Variants in DPP6 observed in about 807,000 individuals in gnomAD.
DPP6 encodes the protein A-type potassium channel modulatory protein DPP6.
In DPP6, 69 loss-of-function variants were observed where a neutral mutation model predicts 122.6. The ratio of observed to expected loss-of-function variants is 0.56; its 90% CI spans 0.46 to 0.69. The LOEUF is 0.69. Among genes scored for constraint, DPP6 ranks in the 30% least tolerant of loss-of-function variants. The probability of loss-of-function intolerance (pLI) is 0.00; values close to 1 mark genes in which losing one functional copy is unlikely to be tolerated. For synonymous variants in DPP6, 418 were observed against 433.1 expected, an observed-to-expected ratio of 0.97 and a Z score of 0.43; for missense variants, 928 against 1,116.9, an observed-to-expected ratio of 0.83 and a Z score of 2.41.
chr7:154,797,756 G>A (rs567155506), intron 12 of DPP6, among the ~76,000 whole-genome samples: 1 of 152,268 alleles, frequency 6.6e-6, no homozygotes, highest in African/African-American at 2.4e-5. Context: ...CCACTCAATT[G>A]TTCACTTTTA....
chr7:153,831,688 T>G, the DPP6 span, among the ~76,000 whole-genome samples: 2 of 152,206 alleles, frequency 1.3e-5, no homozygotes, highest in Non-Finnish European at 2.9e-5. Context: ...AAAATAATGT[T>G]TTTTTAATTT....
At chr7:154,050,270 G>A (rs1326601930), upstream of DPP6, among the ~76,000 whole-genome samples, 2 of 152,004 alleles carry the variant, frequency 1.3e-5, no homozygotes, top group Admixed American at 6.5e-5. Context: ...TTAGATTACA[G>A]TTACCTACAA....
chr7:154,351,447 A>AT (rs2151080146), intron 1 of DPP6, among the ~76,000 whole-genome samples: 1 of 152,104 alleles, frequency 6.6e-6, no homozygotes, highest in South Asian at 2.1e-4. Flanking sequence ...CTGAGTGTAA[A>AT]TTTTCATTAA....
chr7:154,687,589 A>AT, intron 7 of DPP6, among the ~76,000 whole-genome samples: 1 of 152,278 alleles, frequency 6.6e-6, no homozygotes, highest in East Asian at 1.9e-4. Context: ...TTATACATTT[A>AT]AGATTCAATT....
rs576206110 is a variant in DPP6 at position 154,618,565 on chromosome 7, CAT to C, written c.628-19253_628-19252del. On this transcript the variant is annotated intron_variant, in intron 5 of 25. Coordinates refer to ENST00000377770, the MANE Select transcript of DPP6 (RefSeq NM_130797.4). This position sits in a 1 kb window ranked among gnomAD's most constrained non-coding sequence, Gnocchi z 4.1. ...TTTTAATATAGCCCTGCATTTTCCT[CAT>C]ATGAAAGCAGAAACCCACAGAGTTT... 1.1e-3 allele frequency among the ~76,000 whole-genome samples: 169 copies of C among 152,266 alleles called. 1 individual carries two copies. The highest frequency in any genetic ancestry group is 6.8e-3 in the Middle Eastern group (2 of 294).
chr7:154,503,353 T>G (rs6969637), intron 3 of DPP6, among the ~76,000 whole-genome samples: 80,695 of 151,916 alleles, frequency 0.53, 21,678 homozygotes, highest in Middle Eastern at 0.6. Flanking sequence ...AATAGACAGG[T>G]ACTCCAGTCC....
intron 1 of DPP6, among the ~76,000 whole-genome samples, chr7:154,033,735 C>T (rs1799376582): frequency 6.6e-6 from 1 of 152,210 alleles, no homozygotes; most frequent in South Asian, 2.1e-4. Flanking sequence ...GAGGACCCTT[C>T]ACAATCACAG....
At chr7:154,558,180 T>C (rs920467781) in intron 4 of DPP6, among the ~76,000 whole-genome samples, 1 of 152,198 alleles carries the variant, frequency 6.6e-6, no homozygotes, top group East Asian at 1.9e-4. Flanking sequence ...CTCCCACTTA[T>C]GAGTAAGAAC....
intron 1 of DPP6, among the ~76,000 whole-genome samples, chr7:153,952,324 A>T (rs1176381322): frequency 6.6e-6 from 1 of 152,250 alleles, no homozygotes; most frequent in Non-Finnish European, 1.5e-5. Context: ...AGACATTTTC[A>T]TTCCCATTTC....
the DPP6 span, among the ~76,000 whole-genome samples, chr7:153,769,276 A>G: frequency 6.6e-6 from 1 of 152,104 alleles, no homozygotes; most frequent in Admixed American, 6.5e-5. Context: ...TATATTGTGT[A>G]TATTTAAGGT....
chr7:154,816,217 A>T (rs1417624616), intron 16 of DPP6, among the ~76,000 whole-genome samples: 1 of 152,186 alleles, frequency 6.6e-6, no homozygotes, highest in African/African-American at 2.4e-5. Flanking sequence ...CTAGTTTTTG[A>T]GGTTTCAGTT....
intron 1 of DPP6, among the ~76,000 whole-genome samples, chr7:154,164,717 T>C (rs1797155990): frequency 6.6e-6 from 1 of 152,212 alleles, no homozygotes; most frequent in East Asian, 1.9e-4. Flanking sequence ...AATGGAGTCA[T>C]TTGGACTTTT....
chr7:154,641,680 A>G (rs1836103077), intron 6 of DPP6, among the ~76,000 whole-genome samples: 1 of 152,220 alleles, frequency 6.6e-6, no homozygotes, highest in Non-Finnish European at 1.5e-5. Flanking sequence ...TAGTAATAAT[A>G]TATTTCTAAA....
chr7:154,056,529 A>G (rs1800830275), intron 1 of DPP6, among the ~76,000 whole-genome samples: 1 of 152,110 alleles, frequency 6.6e-6, no homozygotes, highest in African/African-American at 2.4e-5. Context: ...CCATTAGAGC[A>G]GTAGTTTTTT....
chr7:154,355,797 A>G (rs1259775562), intron 1 of DPP6, among the ~76,000 whole-genome samples: 1 of 152,200 alleles, frequency 6.6e-6, no homozygotes, highest in Non-Finnish European at 1.5e-5. Flanking sequence ...ATCATCTTTA[A>G]GATTATCTTT....
intron 3 of DPP6, among the ~76,000 whole-genome samples, chr7:154,523,058 C>G (rs1177845452): frequency 1.3e-5 from 2 of 152,200 alleles, no homozygotes; most frequent in African/African-American, 4.8e-5. Flanking sequence ...GAGTCATTCC[C>G]AAGTGGTGCC....
intron 1 of DPP6, among the ~76,000 whole-genome samples, chr7:154,043,463 A>T (rs904397006): frequency 7.1e-6 from 1 of 140,374 alleles, no homozygotes; most frequent in Non-Finnish European, 1.5e-5. Flanking sequence ...TTTTCATTAA[A>T]TGCTCAGATA....
chr7:154,612,541 C>T (rs1267723019), intron 5 of DPP6, among the ~76,000 whole-genome samples: 2 of 152,148 alleles, frequency 1.3e-5, no homozygotes, highest in Non-Finnish European at 2.9e-5. Context: ...ACAGTTTAAC[C>T]ATTCACTCAT....
At chr7:154,740,894 A>T (rs1391758343) in intron 8 of DPP6, among the ~76,000 whole-genome samples, 1 of 152,130 alleles carries the variant, frequency 6.6e-6, no homozygotes, top group South Asian at 2.1e-4. Flanking sequence ...GCCCTAAAGG[A>T]ATCAGTCTTC....
Sources: gnomAD v4.1 joint callset for allele counts (sites outside exome capture counted in the v4.1 genomes callset) on GRCh38, gnomAD v4.1.1 for gene constraint, Gnocchi (gnomAD v3.1) non-coding constraint, MANE v1.5 for transcripts, NCBI Gene and HGNC (gene_info 2026-07-23, HGNC 2026-07-21) for gene names.